The following SFXN5 variants were observed in gnomAD, a reference collection of about 807,000 sequenced individuals.
The protein encoded by SFXN5 is sideroflexin 5, also known as sideroflexin-5.
In SFXN5, 43 loss-of-function variants were observed where a neutral mutation model predicts 50.2. The ratio of observed to expected loss-of-function variants is 0.86; its 90% CI spans 0.67 to 1.11. The LOEUF (loss-of-function observed/expected upper bound fraction) is 1.11, where lower values mean the gene tolerates loss of function less well. SFXN5 is among the 50% of genes least tolerant of loss of function. The probability of loss-of-function intolerance (pLI) is 0.00; values close to 1 mark genes in which losing one functional copy is unlikely to be tolerated. For synonymous variants in SFXN5, 203 were observed against 185.8 expected (o/e 1.09, Z -0.75); for missense variants, 463 against 454.1 (o/e 1.02, Z -0.18).
intron 1 of SFXN5, chr2:73,059,184 C>T (rs185182863): frequency 1.0e-6 from 1 of 985,374 alleles, no homozygotes; most frequent in African/African-American, 1.8e-5. Context: ...GAGCAGGGGC[C>T]GTGGAAAAGG....
intron 3 of SFXN5, among the ~76,000 whole-genome samples, chr2:73,030,315 T>C (rs956369277): frequency 1.3e-5 from 2 of 152,124 alleles, no homozygotes; most frequent in Admixed American, 6.6e-5. Flanking sequence ...GAAAGCAGTC[T>C]TATTCTTCCG....
intron 2 of SFXN5, among the ~76,000 whole-genome samples, chr2:73,055,673 A>G (rs6755231): frequency 0.98 from 148,010 of 150,612 alleles, 72,744 homozygotes; most frequent in East Asian, 1. Context: ...TCTCAGCACA[A>G]TGGCACGATC....
intron 9 of SFXN5, among the ~76,000 whole-genome samples, chr2:72,991,545 C>T (rs747183464): frequency 1.6e-4 from 24 of 152,240 alleles, no homozygotes; most frequent in Non-Finnish European, 3.4e-4. Context: ...CAAATGGCCA[C>T]TTACCCTCAC....
intron 12 of SFXN5, among the ~76,000 whole-genome samples, chr2:72,966,012 ATGTCC>A (rs1339431926): frequency 6.6e-6 from 1 of 152,154 alleles, no homozygotes; most frequent in Non-Finnish European, 1.5e-5. Context: ...CTGGAACAGG[ATGTCC>A]TGCAACACTT....
intron 1 of SFXN5, chr2:73,058,985 G>A: frequency 8.9e-6 from 8 of 896,270 alleles, no homozygotes; most frequent in Non-Finnish European, 1.1e-5. Context: ...TCAGGACCTT[G>A]AGTGACAAAG....
Position 72,961,153 on chromosome 2 carries a change from CTGA to C in SFXN5, c.920_922del (p.Ile307del). On this transcript the variant is annotated inframe_deletion, in exon 13 of 14. Transcript: ENST00000272433. This position sits in a 1 kb window ranked among gnomAD's most constrained non-coding sequence, Gnocchi z 4.4. ...GACCTCTGACATTTGCGGGAAGAGG[CTGA>C]TGGCCAGCGGCAGGGCCAGGCCGAA... 6.3e-7 allele frequency: 1 copy of C among 1,584,854 alleles called. No individual in the cohort carries two copies.
At chr2:73,003,020 CT>C (rs953358308) in intron 6 of SFXN5, among the ~76,000 whole-genome samples, 37 of 152,258 alleles carry the variant, frequency 2.4e-4, no homozygotes, top group Admixed American at 1.8e-3. Context: ...CAGAGACGGT[CT>C]TTTCTGTAAT....
intron 6 of SFXN5, 26 bp downstream of exon 6, chr2:73,020,213 G>C (rs921826408): frequency 6.2e-7 from 1 of 1,608,426 alleles, no homozygotes; most frequent in African/African-American, 1.3e-5. Flanking sequence ...TTTTAGAAAA[G>C]GAAATCCTTT....
intron 10 of SFXN5, among the ~76,000 whole-genome samples, chr2:72,972,044 C>T (rs1670071475): frequency 6.6e-6 from 1 of 152,202 alleles, no homozygotes; most frequent in Admixed American, 6.5e-5. Flanking sequence ...AAGTCGCATC[C>T]CCCCTGACCC....
At chr2:73,017,349 CA>C (rs1044741277) in intron 6 of SFXN5, among the ~76,000 whole-genome samples, 5 of 151,936 alleles carry the variant, frequency 3.3e-5, no homozygotes, top group East Asian at 1.9e-4. Context: ...TCCTAAATAT[CA>C]AAAAAAGTAA....
chr2:73,023,457 C>A (rs1006852318), intron 3 of SFXN5, among the ~76,000 whole-genome samples: 1 of 152,100 alleles, frequency 6.6e-6, no homozygotes, highest in African/African-American at 2.4e-5. Context: ...TCAATTAAGC[C>A]AGGAATTCTC....
intron 2 of SFXN5, chr2:73,049,622 A>G (rs1559204198): frequency 2.0e-5 from 3 of 152,188 alleles, no homozygotes; most frequent in Non-Finnish European, 2.9e-5. Context: ...ATTGCCTCTT[A>G]AAGATCCCAC....
chr2:72,965,597 G>T (rs1674298170), intron 12 of SFXN5, among the ~76,000 whole-genome samples: 2 of 152,168 alleles, frequency 1.3e-5, no homozygotes, highest in African/African-American at 4.8e-5. Flanking sequence ...TGGGGTCGGA[G>T]CCCCACAGCC....
intron 3 of SFXN5, 77 bp from the exon 4 acceptor site, chr2:73,023,291 G>T: frequency 7.0e-7 from 1 of 1,427,186 alleles, no homozygotes; most frequent in Non-Finnish European, 9.5e-7. Flanking sequence ...TCCAACCCAT[G>T]TTTTCTAACC....
At chr2:73,063,147 T>G (rs1416438185) in intron 1 of SFXN5, among the ~76,000 whole-genome samples, 2 of 152,200 alleles carry the variant, frequency 1.3e-5, no homozygotes, top group African/African-American at 4.8e-5. Context: ...ATAAAAACTC[T>G]GTATTGGTCA....
intron 3 of SFXN5, among the ~76,000 whole-genome samples, chr2:73,031,280 A>G (rs143386735): frequency 9.2e-5 from 14 of 152,208 alleles, no homozygotes; most frequent in Non-Finnish European, 1.6e-4. Context: ...CTCCCCCTCC[A>G]TGCTTTCTGT....
chr2:73,048,356 C>T (rs1221387977), intron 2 of SFXN5, among the ~76,000 whole-genome samples: 1 of 152,178 alleles, frequency 6.6e-6, no homozygotes, highest in Non-Finnish European at 1.5e-5. Context: ...GCTGGGATTA[C>T]AGGCATGTGC....
intron 3 of SFXN5, among the ~76,000 whole-genome samples, chr2:73,029,047 G>A (rs1025395187): frequency 6.6e-6 from 1 of 152,128 alleles, no homozygotes; most frequent in Non-Finnish European, 1.5e-5. Flanking sequence ...AGCCTCCCCC[G>A]CAGTCAAGTG....
At chr2:72,977,974 GAA>G (rs56975766) in intron 10 of SFXN5, among the ~76,000 whole-genome samples, 3 of 40,910 alleles carry the variant, frequency 7.3e-5, no homozygotes, top group Non-Finnish European at 1.0e-4. Context: ...CTCTGCCTCA[GAA>G]AAAAAAAAAA....
Sources: allele counts gnomAD v4.1 joint callset (sites outside exome capture counted in the v4.1 genomes callset), GRCh38; gene constraint gnomAD v4.1.1; non-coding constraint Gnocchi (gnomAD v3.1); transcripts MANE v1.5; gene names NCBI Gene and HGNC (gene_info 2026-07-23, HGNC 2026-07-21).